The following ACAA1 variants were observed in gnomAD, a reference collection of about 807,000 sequenced individuals.
ACAA1 encodes 3-ketoacyl-CoA thiolase, peroxisomal.
ACAA1 carries 44 observed loss-of-function variants against 48.8 expected under a neutral mutation model. The ratio of observed to expected loss-of-function variants is 0.90; its 90% CI spans 0.71 to 1.16. The LOEUF (loss-of-function observed/expected upper bound fraction) is 1.16, where lower values mean the gene tolerates loss of function less well. Ranked by LOEUF, ACAA1 falls within the 50% of genes most tolerant of loss-of-function variation. The pLI, the probability that ACAA1 is intolerant of heterozygous loss-of-function variation, is 0.00. For missense variants in ACAA1, 512 were observed against 562.3 expected (o/e 0.91, Z 0.90); for synonymous variants, 233 against 226.5 (o/e 1.03, Z -0.26).
Position 38,126,293 on chromosome 3 carries a change from C to CG in ACAA1, c.865dup (p.Arg289ProfsTer27). ...GCCCAACTCTTCTGCCTTGGACCTC[C>CG]GGGCCAGCAGGATGGCAGCTGCCCC... On this transcript the variant is annotated frameshift_variant, in exon 9 of 12. Transcript: ENST00000333167. LOFTEE classifies it high-confidence loss of function. The surrounding 1 kb of genome is among the most constrained non-coding windows in gnomAD (Gnocchi z 4.7). 6.2e-7 allele frequency: 1 copy of CG among 1,614,170 alleles called. No homozygotes were observed. The highest frequency in any genetic ancestry group is 1.3e-5 in the African/African-American group (1 of 75,044).
rs1700693783 is a variant in ACAA1, at chr3:38,126,885, C to T, written c.627-185G>A. On this transcript the variant is annotated intron_variant, in intron 7 of 11. Coordinates refer to ENST00000333167, the MANE Select transcript of ACAA1 (RefSeq NM_001607.4). The surrounding 1 kb of genome is among the most constrained non-coding windows in gnomAD (Gnocchi z 4.7). ...GGCCTTCTTCACCATCAGCCCCAGA[C>T]CTCCAGATCGTGGCCAATCCCAACC... is the stretch of plus-strand genomic sequence containing the variant. Among the ~76,000 whole-genome samples the T allele has an allele frequency of 6.6e-6, 1 of 152,180 alleles. No individual in the cohort carries two copies. The highest frequency in any genetic ancestry group is 2.4e-5 in the African/African-American group (1 of 41,442).
Position 38,137,101 on chromosome 3 carries a change from G to A in ACAA1, c.-66C>T. ...CTGACCGCGGAGTTAACAGACAGCC[G>A]TCCGCACACGCGCAGAACCACATCT... On this transcript the variant is annotated 5_prime_UTR_variant, in exon 1 of 12. In the 5' UTR this introduces an upstream ATG that the reference lacks. Transcript: ENST00000333167. 2.3e-6 allele frequency: 3 copies of A among 1,305,082 alleles called. No individual in the cohort carries two copies. Among genetic ancestry groups the A allele is most frequent in the African/African-American group, 1.6e-5 (1 of 64,166 alleles). 80.8% of individuals were successfully genotyped at this position (1,305,082 alleles called of 1,614,324 possible).
In ACAA1 at chr3:38,136,906, G is replaced by A. The variant is rs1449599856; in HGVS notation, c.130C>T (p.Arg44Trp). Residue 44 changes from arginine to tryptophan, a missense_variant, in exon 1 of 12, where the codon CGG becomes TGG. Coordinates refer to ENST00000333167, the MANE Select transcript of ACAA1 (RefSeq NM_001607.4). ...SAADVVVVHG[R>W]RTAICRAGRG... ...CCCGCCCGGCAGATGGCCGTGCGCC[G>A]CCCGTGCACCACCACCACGTCCGCG... 1 of 1,534,192 alleles carries A rather than the reference G, an allele frequency of 6.5e-7. No individual in the cohort carries two copies.
intron 2 of ACAA1, chr3:38,134,333 G>T: frequency 4.6e-6 from 2 of 438,310 alleles, no homozygotes; most frequent in Non-Finnish European, 4.2e-6. Context: ...CATCTCCCCA[G>T]GTATCCTCCT....
chr3:38,122,796 G>C lies in ACAA1; in HGVS notation c.*251C>G, dbSNP rs940080034. 1 of 1,066,478 alleles carries C rather than the reference G, an allele frequency of 9.4e-7. No homozygotes were observed. The highest frequency in any genetic ancestry group is 2.7e-5 in the East Asian group (1 of 37,036). The allele number at this position is 1,066,478 out of a possible 1,614,324, so 66.1% of individuals were successfully genotyped here. Reference sequence around the variant, plus strand: ...CCTTAAGAATTAACCATGGCCTTGTGGCCTGGGTGACCCAGGCTGCTTTTA... The same window carrying C: ...CCTTAAGAATTAACCATGGCCTTGTCGCCTGGGTGACCCAGGCTGCTTTTA... On this transcript the variant is annotated 3_prime_UTR_variant, in exon 12 of 12. Transcript: ENST00000333167.
rs1163698345 is a variant in ACAA1, at chr3:38,125,661, G to C, written c.1103C>G (p.Pro368Arg). Residue 368 changes from proline to arginine, a missense_variant, in exon 11 of 12, where the codon CCC (proline) becomes CGC (arginine). Physicochemically the swap from Pro to Arg is moderately radical, Grantham distance 103. Coordinates refer to ENST00000333167, the MANE Select transcript of ACAA1 (RefSeq NM_001607.4). ...KLRLPPEKVN[P>R]LGGAVALGHP... ...CCCTAAGGCCACTGCACCCCCCAGG[G>C]GGTTCACCTTCTCAGGGGGGAGTCG... is the stretch of plus-strand genomic sequence containing the variant. 2 of 1,599,270 alleles carry C rather than the reference G, an allele frequency of 1.3e-6. No individual in the cohort carries two copies. Among genetic ancestry groups the C allele is most frequent in the African/African-American group, 1.3e-5 (1 of 74,640 alleles).
chr3:38,125,586 T>A lies in ACAA1; in HGVS notation c.1178A>T (p.Glu393Val). 1 of 1,572,392 alleles carries A rather than the reference T, an allele frequency of 6.4e-7. No individual in the cohort carries two copies. Among genetic ancestry groups the A allele is most frequent in the Non-Finnish European group, 8.6e-7 (1 of 1,159,330 alleles). The change falls in exon 11 of 12, where the codon GAG becomes GTG. Residue 393 changes from glutamate to valine, a missense_variant. By Grantham distance (121) the Glu-to-Val change is moderately radical (BLOSUM62 -2). Coordinates refer to ENST00000333167, the MANE Select transcript of ACAA1 (RefSeq NM_001607.4). ...GARQVITLLN[E>V]LKRRGKRAYG... The stretch of plus-strand genomic sequence containing the variant: ...TTACCTCTTCCCACGGCGCTTCAGC[T>A]CATTGAGCAGCGTGATGACCTGTCG...
rs146730813 is a variant in ACAA1 at position 38,129,338 on chromosome 3, G to A, written c.497C>T (p.Ser166Leu). 5.5e-5 allele frequency: 88 copies of A among 1,614,030 alleles called. No individual in the cohort carries two copies. Among genetic ancestry groups the A allele is most frequent in the Admixed American group, 3.8e-4 (23 of 60,006 alleles). The change falls in exon 6 of 12, where the codon TCG (serine) becomes TTG (leucine). Residue 166 changes from serine (S) to leucine (L), a missense_variant. Ser to Leu is a moderately radical substitution (Grantham distance 145, BLOSUM62 -2). Coordinates refer to ENST00000333167, the MANE Select transcript of ACAA1 (RefSeq NM_001607.4). This position sits in a 1 kb window ranked among gnomAD's most constrained non-coding sequence, Gnocchi z 5.3. ...GGCCTTCTCCTTCTCCATCAAGCGC[G>A]AAGTAATATTTCCAGGGTTCCCTCT... The part of the protein sequence containing the change: ...ADRGNPGNIT[S>L]RLMEKEKARD...
In ACAA1 at chr3:38,131,985, GGC is replaced by G. The variant is rs765146534; in HGVS notation, c.342_343del (p.Pro115PhefsTer6). On this transcript the variant is annotated frameshift_variant, in exon 4 of 12. Coordinates refer to ENST00000333167, the MANE Select transcript of ACAA1 (RefSeq NM_001607.4). LOFTEE classifies it high-confidence loss of function. ...ACACTGTCTATTGACAGTGGACAAA[GGC>G]ACAGTCTCCGGGATGTCACTGAAAC... 3 of 1,613,714 alleles carry G rather than the reference GGC, an allele frequency of 1.9e-6. No homozygotes were observed. The East Asian group carries it at 6.7e-5, about 36-fold the overall frequency.
chr3:38,131,556 A>C, intron 5 of ACAA1, 40 bp downstream of exon 5: 1 of 1,606,154 alleles, frequency 6.2e-7, no homozygotes, highest in Non-Finnish European at 8.5e-7. Flanking sequence ...TTTTATTGTC[A>C]CAAGTTGGTT....
In ACAA1 at chr3:38,122,849, G is replaced by T; in HGVS notation, c.*198C>A. ...TTGCACAGCTAAAGAGGGTCTGATG[G>T]GTGGCTCAACACCCCACCCACTCCT... is the stretch of plus-strand genomic sequence containing the variant. On this transcript the variant is annotated 3_prime_UTR_variant, in exon 12 of 12. Coordinates refer to ENST00000333167, the MANE Select transcript of ACAA1 (RefSeq NM_001607.4). The T allele has an allele frequency of 1.3e-6, 1 of 797,458 alleles. No homozygotes were observed. The highest frequency in any genetic ancestry group is 1.9e-6 in the Non-Finnish European group (1 of 518,242). 49.4% of individuals were successfully genotyped at this position (797,458 alleles called of 1,614,324 possible).
In ACAA1 at chr3:38,136,851, C is replaced by T. The variant is rs1169139621; in HGVS notation, c.171+14G>A. ...CGTCTTCCCACACTCGGCGCCCAGA[C>T]CCTCGGGCCTCACCTTGAAGCCGCC... On this transcript the variant is annotated intron_variant, in intron 1 of 11. Coordinates refer to ENST00000333167, the MANE Select transcript of ACAA1 (RefSeq NM_001607.4). 1.8e-5 allele frequency: 28 copies of T among 1,519,432 alleles called. No homozygotes were observed. The highest frequency in any genetic ancestry group is 2.5e-5 in the Non-Finnish European group (28 of 1,139,050). The allele number at this position is 1,519,432 out of a possible 1,614,324, so 94.1% of individuals were successfully genotyped here.
intron 6 of ACAA1, among the ~76,000 whole-genome samples, chr3:38,128,104 C>T (rs1700715020): frequency 6.6e-6 from 1 of 152,136 alleles, no homozygotes; most frequent in African/African-American, 2.4e-5. Context: ...CTGAGAAGCT[C>T]ATACACCAAA....
chr3:38,126,242 G>A lies in ACAA1; in HGVS notation c.917C>T (p.Ser306Phe). ...AGGTGGGACCCCAACCACTGCATAA[G>A]ACCTCAGGACCCCAAGGATGGGAAG... ...LGLPILGVLRSYAVVGVPPDI... is the reference protein window; with the variant it reads ...LGLPILGVLRFYAVVGVPPDI... Residue 306 changes from serine to phenylalanine, a missense_variant, in exon 9 of 12, where the codon TCT (serine) becomes TTT (phenylalanine). Ser to Phe is a radical substitution (Grantham distance 155, BLOSUM62 -2). Transcript: ENST00000333167. The surrounding 1 kb of genome is among the most constrained non-coding windows in gnomAD (Gnocchi z 4.7). The A allele has an allele frequency of 6.2e-7, 1 of 1,614,176 alleles. No individual in the cohort carries two copies. Among genetic ancestry groups the A allele is most frequent in the South Asian group, 1.1e-5 (1 of 91,088 alleles).
intron 2 of ACAA1, chr3:38,134,386 C>T (rs971719648): frequency 1.7e-5 from 7 of 421,156 alleles, no homozygotes; most frequent in South Asian, 7.8e-5. Context: ...CAGTGATTGC[C>T]GACCTAGGGG....
chr3:38,130,482 G>A (rs1700765207), intron 5 of ACAA1, among the ~76,000 whole-genome samples: 1 of 152,202 alleles, frequency 6.6e-6, no homozygotes, highest in Non-Finnish European at 1.5e-5. Context: ...TGGTCCCAGA[G>A]CCCACTTCCA....
At chr3:38,125,511 G>T (rs1700656718) in intron 11 of ACAA1, 54 bp downstream of exon 11, 1 of 1,505,998 alleles carries the variant, frequency 6.6e-7, no homozygotes, top group South Asian at 1.4e-5. Flanking sequence ...TGCCCTTCAG[G>T]TGCCCTAACT....
Position 38,126,124 on chromosome 3 carries a change from A to G in ACAA1, c.997+38T>C, listed in dbSNP as rs1700676738. ...AGCATGCAGGGCAGCTGCAGGATCC[A>G]GGTGGGACCCAGATACTATATGAAG... is the stretch of plus-strand genomic sequence containing the variant. On this transcript the variant is annotated intron_variant, in intron 9 of 11. Transcript: ENST00000333167. The surrounding 1 kb of genome is among the most constrained non-coding windows in gnomAD (Gnocchi z 4.7). 1 of 1,599,302 alleles carries G rather than the reference A, an allele frequency of 6.3e-7. No homozygotes were observed. Among genetic ancestry groups the G allele is most frequent in the Middle Eastern group, 1.7e-4 (1 of 5,968 alleles).
rs769540697 is a variant in ACAA1 at position 38,137,008 on chromosome 3, G to A, written c.28C>T (p.His10Tyr). MQRLQVVLG[H>Y]LRGPADSGWM... ...CCGGAATCGGCCGGACCCCTCAGGT[G>A]GCCCAGCACTACCTGCAGCCTCTGC... is the stretch of plus-strand genomic sequence containing the variant. The change falls in exon 1 of 12, where the codon CAC (histidine) becomes TAC (tyrosine). Residue 10 changes from histidine to tyrosine, a missense_variant. By Grantham distance (83) the His-to-Tyr change is moderately conservative. Transcript: ENST00000333167. 1.5e-4 allele frequency: 229 copies of A among 1,566,514 alleles called. No individual in the cohort carries two copies. The highest frequency in any genetic ancestry group is 1.8e-4 in the Non-Finnish European group (211 of 1,158,142).
Sources: allele counts gnomAD v4.1 joint callset (sites outside exome capture counted in the v4.1 genomes callset), GRCh38; gene constraint gnomAD v4.1.1; non-coding constraint Gnocchi (gnomAD v3.1); transcripts MANE v1.5; gene names NCBI Gene and HGNC (gene_info 2026-07-23, HGNC 2026-07-21).